The following PLPP3 variants were observed in gnomAD, a reference collection of about 807,000 sequenced individuals.
PLPP3 encodes PAP2 beta.
A neutral mutation model predicts 29.6 loss-of-function variants in PLPP3; 6 were observed. The ratio of observed to expected loss-of-function variants is 0.20; its 90% CI spans 0.11 to 0.40. The LOEUF is 0.40. PLPP3 is among the 10% of genes least tolerant of loss of function. The pLI, the probability that PLPP3 is intolerant of heterozygous loss-of-function variation, is 1.00. For synonymous variants in PLPP3, 152 were observed against 159.7 expected (o/e 0.95, Z 0.36); for missense variants, 308 against 407.7 (o/e 0.76, Z 2.11).
intron 5 of PLPP3, among the ~76,000 whole-genome samples, chr1:56,506,485 CG>C (rs1645703135): frequency 6.6e-6 from 1 of 152,148 alleles, no homozygotes; most frequent in South Asian, 2.1e-4. Context: ...GCCACACCCC[CG>C]GGAAGAGGAA....
At chr1:56,512,980 A>G (rs1473904981) in intron 4 of PLPP3, 1 of 152,216 alleles carries the variant, frequency 6.6e-6, no homozygotes, top group Non-Finnish European at 1.5e-5. Flanking sequence ...CAATGATAAG[A>G]GGAAGTTATT....
chr1:56,529,929 G>T (rs1041862827), intron 2 of PLPP3, among the ~76,000 whole-genome samples: 3 of 152,126 alleles, frequency 2.0e-5, no homozygotes, highest in Non-Finnish European at 2.9e-5. Flanking sequence ...GTTGAAATTA[G>T]CAGTGGCTGC....
At chr1:56,557,006 G>GAAGGAAAGAAAGA (rs1557513486) in intron 1 of PLPP3, among the ~76,000 whole-genome samples, 4 of 6,460 alleles carry the variant, frequency 6.2e-4, no homozygotes, top group African/African-American at 1.2e-3. Flanking sequence ...AAGAAAGAAA[G>GAAGGAAAGAAAGA]AAAGAGAGAG....
intron 2 of PLPP3, among the ~76,000 whole-genome samples, chr1:56,534,954 G>T (rs994933691): frequency 2.0e-5 from 3 of 152,126 alleles, no homozygotes; most frequent in African/African-American, 7.2e-5. Context: ...AGAGTGGGGG[G>T]TGTAGCTAAG....
At chr1:56,533,394 G>C (rs1645903913) in intron 2 of PLPP3, among the ~76,000 whole-genome samples, 1 of 152,112 alleles carries the variant, frequency 6.6e-6, no homozygotes, top group African/African-American at 2.4e-5. Flanking sequence ...ACATGCAGCT[G>C]GTTGTGCTGA....
intron 5 of PLPP3, among the ~76,000 whole-genome samples, chr1:56,503,902 C>T (rs905580847): frequency 6.6e-6 from 1 of 152,060 alleles, no homozygotes; most frequent in Admixed American, 6.6e-5. Context: ...CCTCAGCCTC[C>T]GAGTAGCTGG....
At chr1:56,522,281 C>T (rs527991547) in intron 4 of PLPP3, among the ~76,000 whole-genome samples, 4 of 152,248 alleles carry the variant, frequency 2.6e-5, no homozygotes, top group East Asian at 3.9e-4. Flanking sequence ...TCACCTGCTG[C>T]GCAGCTGTGA....
chr1:56,524,483 C>T lies in PLPP3; in HGVS notation c.369G>A (p.Val123=). The T allele has an allele frequency of 6.2e-7, 1 of 1,613,936 alleles. No individual in the cohort carries two copies. The highest frequency in any genetic ancestry group is 8.5e-7 in the Non-Finnish European group (1 of 1,179,888). The change falls in exon 3 of 6, where the codon GTG becomes GTA. Residue 123 remains valine, a synonymous_variant. Transcript: ENST00000371250. The surrounding 1 kb of genome is among the most constrained non-coding windows in gnomAD (Gnocchi z 4.3). ...KSRSTIQNPY[V]AALYKQVGCF... is the part of the protein sequence containing the mutation. ...AGCCCACTTGCTTATAGAGTGCTGC[C>T]ACGTAGGGGTTCTGAATCGTCGACC...
intron 1 of PLPP3, among the ~76,000 whole-genome samples, chr1:56,573,600 A>C (rs944457201): frequency 7.9e-5 from 12 of 152,244 alleles, no homozygotes; most frequent in Admixed American, 2.0e-4. Flanking sequence ...CTGAATCTGA[A>C]TATCCTGGAG....
At chr1:56,536,594 C>T (rs1033958720) in intron 2 of PLPP3, among the ~76,000 whole-genome samples, 3 of 152,168 alleles carry the variant, frequency 2.0e-5, no homozygotes, top group Non-Finnish European at 4.4e-5. Context: ...CCAGAGTAGG[C>T]AAGATAAGCT....
intron 1 of PLPP3, among the ~76,000 whole-genome samples, chr1:56,548,968 T>G (rs368585074): frequency 5.3e-5 from 8 of 152,116 alleles, no homozygotes; most frequent in African/African-American, 1.7e-4. Flanking sequence ...CTTTGTTCAG[T>G]TCTTATTATC....
At chr1:56,566,084 T>C (rs1026655316) in intron 1 of PLPP3, among the ~76,000 whole-genome samples, 5 of 152,210 alleles carry the variant, frequency 3.3e-5, no homozygotes, top group African/African-American at 4.8e-5. Flanking sequence ...GCTTGACAAG[T>C]TAATCACTGG....
At chr1:56,516,336 G>T (rs1275804417) in intron 4 of PLPP3, among the ~76,000 whole-genome samples, 1 of 152,100 alleles carries the variant, frequency 6.6e-6, no homozygotes, top group Non-Finnish European at 1.5e-5. Flanking sequence ...AAGTAACTCT[G>T]GAGGCTCCAT....
At chr1:56,560,701 G>A (rs1396242600) in intron 1 of PLPP3, among the ~76,000 whole-genome samples, 1 of 152,122 alleles carries the variant, frequency 6.6e-6, no homozygotes, top group Non-Finnish European at 1.5e-5. Flanking sequence ...TTCAGGATAT[G>A]AATTTTGGCA....
At chr1:56,509,415 T>C (rs1375181544) in intron 5 of PLPP3, among the ~76,000 whole-genome samples, 2 of 152,202 alleles carry the variant, frequency 1.3e-5, no homozygotes, top group Non-Finnish European at 2.9e-5. Flanking sequence ...GCAGAGGGCA[T>C]AGCTTTGAGT....
At chr1:56,510,170 G>A (rs1261412) in intron 5 of PLPP3, among the ~76,000 whole-genome samples, 28,947 of 152,074 alleles carry the variant, frequency 0.19, 2,982 homozygotes, top group Middle Eastern at 0.26. Context: ...GCAGGCCCCC[G>A]CGGGCTGTCC....
intron 1 of PLPP3, among the ~76,000 whole-genome samples, chr1:56,546,125 A>G (rs533677106): frequency 5.1e-4 from 78 of 152,232 alleles, no homozygotes; most frequent in Non-Finnish European, 9.3e-4. Flanking sequence ...CCAGATTCCC[A>G]GCTTCTTAAA....
At chr1:56,574,422 T>C (rs1462076772) in intron 1 of PLPP3, among the ~76,000 whole-genome samples, 2 of 151,980 alleles carry the variant, frequency 1.3e-5, no homozygotes, top group Non-Finnish European at 2.9e-5. Flanking sequence ...GCCCGGTTAA[T>C]TTTTGATTTT....
chr1:56,556,994 GAAAGAAAGAAAGAA>G lies in PLPP3; in HGVS notation c.140-19896_140-19883del, dbSNP rs1347800683. On this transcript the variant is annotated intron_variant, in intron 1 of 5. Transcript: ENST00000371250. ...AGAAAGAAAGAAAGAAAGAAAGAAA[GAAAGAAAGAAAGAA>G]AGAGAGAGAGAGAGAGAAAGAGAGA... Among the ~76,000 whole-genome samples the G allele has an allele frequency of 2.6e-3, 20 of 7,606 alleles. 2 individuals are homozygous for G. The highest frequency in any genetic ancestry group is 0.02 in the East Asian group (8 of 398). 5.0% of individuals were successfully genotyped at this position (7,606 alleles called of 152,430 possible).
Sources: gnomAD v4.1 joint callset for allele counts (sites outside exome capture counted in the v4.1 genomes callset) on GRCh38, gnomAD v4.1.1 for gene constraint, Gnocchi (gnomAD v3.1) non-coding constraint, MANE v1.5 for transcripts, NCBI Gene and HGNC (gene_info 2026-07-23, HGNC 2026-07-21) for gene names.